The following GRB14 variants were observed in gnomAD, a reference collection of about 807,000 sequenced individuals.
GRB14 encodes the protein growth factor receptor bound protein 14.
Under a neutral mutation model 69.1 loss-of-function variants are expected in GRB14, and 38 were observed. The ratio of observed to expected loss-of-function variants is 0.55; its 90% CI spans 0.42 to 0.72. The LOEUF (loss-of-function observed/expected upper bound fraction) is 0.72. Ranked by LOEUF, GRB14 falls within the 30% of genes least tolerant of loss-of-function variation. The pLI is 0.00. For synonymous variants in GRB14, 247 were observed against 241.3 expected (o/e 1.02, Z -0.22); for missense variants, 666 against 666.1 (o/e 1.00, Z 0.00).
At chr2:164,590,868 C>A (rs910342524) in intron 2 of GRB14, among the ~76,000 whole-genome samples, 2 of 152,190 alleles carry the variant, frequency 1.3e-5, no homozygotes, top group African/African-American at 4.8e-5. Context: ...TCCCGCTATT[C>A]TAAATCATGT....
At chr2:164,515,463 ACACT>A in intron 6 of GRB14, among the ~76,000 whole-genome samples, 1 of 152,242 alleles carries the variant, frequency 6.6e-6, no homozygotes, top group South Asian at 2.1e-4. Context: ...AAGAGAAATA[ACACT>A]CACTGCAGTT....
intron 2 of GRB14, among the ~76,000 whole-genome samples, chr2:164,584,662 T>C (rs1481038301): frequency 1.3e-5 from 2 of 152,068 alleles, no homozygotes; most frequent in African/African-American, 2.4e-5. Flanking sequence ...CAAAGGAATA[T>C]GTTGACTTGC....
chr2:164,570,488 T>C (rs1378316106), intron 2 of GRB14, among the ~76,000 whole-genome samples: 1 of 152,074 alleles, frequency 6.6e-6, no homozygotes, highest in Admixed American at 6.6e-5. Context: ...AGTTAAAATA[T>C]CCCATTCAGT....
chr2:164,549,529 T>A (rs1688472025), intron 2 of GRB14, among the ~76,000 whole-genome samples: 1 of 152,168 alleles, frequency 6.6e-6, no homozygotes, highest in African/African-American at 2.4e-5. Context: ...TTAGTATTAC[T>A]TCCCCACCAC....
chr2:164,570,212 G>A (rs1689093440), intron 2 of GRB14, among the ~76,000 whole-genome samples: 1 of 149,570 alleles, frequency 6.7e-6, no homozygotes, highest in Non-Finnish European at 1.5e-5. Flanking sequence ...GGGAGGTGGA[G>A]GTTGCAGTGA....
chr2:164,503,989 ATATGT>A (rs1687128517), intron 8 of GRB14, among the ~76,000 whole-genome samples: 2 of 152,134 alleles, frequency 1.3e-5, no homozygotes, highest in African/African-American at 2.4e-5. Flanking sequence ...AGGGACCAAA[ATATGT>A]TAGAGAGGAC....
At chr2:164,561,896 T>C (rs539849958) in intron 2 of GRB14, among the ~76,000 whole-genome samples, 3 of 152,240 alleles carry the variant, frequency 2.0e-5, no homozygotes, top group Admixed American at 6.5e-5. Context: ...CTGCAGCAAG[T>C]TGGAGCTAGA....
intron 2 of GRB14, among the ~76,000 whole-genome samples, chr2:164,590,440 C>T (rs923183866): frequency 3.9e-5 from 6 of 152,074 alleles, no homozygotes; most frequent in Non-Finnish European, 5.9e-5. Flanking sequence ...CAGTGAGTAC[C>T]GTGAATGAGA....
intron 3 of GRB14, among the ~76,000 whole-genome samples, chr2:164,528,234 A>G (rs780758847): frequency 2.0e-5 from 3 of 152,092 alleles, no homozygotes; most frequent in Admixed American, 6.6e-5. Flanking sequence ...TTACTCCAGT[A>G]TATGTAATAT....
intron 3 of GRB14, 39 bp from the exon 4 acceptor site, chr2:164,527,174 CAAATATATATATATATATATAT>C: frequency 3.0e-6 from 1 of 330,896 alleles, no homozygotes; most frequent in Non-Finnish European, 5.1e-6. Context: ...GACAGATAGA[CAAATATATATATATATATATAT>C]ATATATATAT....
chr2:164,516,797 G>A (rs1014903240), intron 6 of GRB14, among the ~76,000 whole-genome samples: 1 of 152,150 alleles, frequency 6.6e-6, no homozygotes, highest in Middle Eastern at 3.2e-3. Flanking sequence ...GCCGAGGTGG[G>A]TGGATCACTT....
chr2:164,590,562 C>A (rs1209245633), intron 2 of GRB14, among the ~76,000 whole-genome samples: 1 of 152,124 alleles, frequency 6.6e-6, no homozygotes, highest in African/African-American at 2.4e-5. Context: ...GGGAAGGAAA[C>A]AATGAAGCCA....
At chr2:164,581,698 GTAA>G (rs1183849498) in intron 2 of GRB14, among the ~76,000 whole-genome samples, 1 of 152,150 alleles carries the variant, frequency 6.6e-6, no homozygotes, top group Admixed American at 6.5e-5. Context: ...CAAATTTGTT[GTAA>G]TTTGTTACAG....
In GRB14 at chr2:164,583,049, C is replaced by A. The variant is rs945852745; in HGVS notation, c.325-35233G>T. Among the ~76,000 whole-genome samples, 4 of 152,286 alleles carry A rather than the reference C, an allele frequency of 2.6e-5. No homozygotes were observed. In the East Asian group the frequency reaches 7.7e-4, roughly 29 times the overall value. ...TATTTTACTTCACCATCCACACTTCCCCAGCTACTAAAATTCTTTTACTAT... is the reference window on the plus strand; with the variant it reads ...TATTTTACTTCACCATCCACACTTCACCAGCTACTAAAATTCTTTTACTAT... On this transcript the variant is annotated intron_variant, in intron 2 of 13. Transcript: ENST00000263915.
chr2:164,578,535 C>CACAA (rs1164451263), intron 2 of GRB14, among the ~76,000 whole-genome samples: 10 of 151,670 alleles, frequency 6.6e-5, no homozygotes, highest in Non-Finnish European at 1.3e-4. Flanking sequence ...CACACACACA[C>CACAA]ACACACACAC....
chr2:164,589,707 G>C (rs1360903936), intron 2 of GRB14, among the ~76,000 whole-genome samples: 1 of 152,080 alleles, frequency 6.6e-6, no homozygotes, highest in Non-Finnish European at 1.5e-5. Flanking sequence ...CACCAATGGG[G>C]ATCAAATTTC....
chr2:164,501,085 T>C (rs1035699375), intron 9 of GRB14, among the ~76,000 whole-genome samples: 1 of 152,054 alleles, frequency 6.6e-6, no homozygotes, highest in Non-Finnish European at 1.5e-5. Flanking sequence ...AATTGAAAGA[T>C]AAGAGTAAGC....
chr2:164,620,885 C>T (rs1364784555), intron 1 of GRB14, among the ~76,000 whole-genome samples: 2 of 152,182 alleles, frequency 1.3e-5, no homozygotes, highest in Non-Finnish European at 2.9e-5. Flanking sequence ...CACCGATGGG[C>T]AGAGGCGAGA....
intron 2 of GRB14, among the ~76,000 whole-genome samples, chr2:164,596,451 C>T (rs1375905011): frequency 6.6e-6 from 1 of 152,168 alleles, no homozygotes; most frequent in African/African-American, 2.4e-5. Context: ...AAGATGCCAG[C>T]TTTCTCAAAA....
Sources: allele counts gnomAD v4.1 joint callset (sites outside exome capture counted in the v4.1 genomes callset), GRCh38; gene constraint gnomAD v4.1.1; transcripts MANE v1.5; gene names NCBI Gene and HGNC (gene_info 2026-07-23, HGNC 2026-07-21).